GRM8: variants seen among roughly 807,000 people sequenced by gnomAD.
The protein encoded by GRM8 is metabotropic glutamate receptor 8.
A neutral mutation model predicts 87.2 loss-of-function variants in GRM8; 47 were observed. That is an observed-to-expected ratio of 0.54 (90% CI 0.43 to 0.69). The LOEUF is 0.69. Ranked by LOEUF, GRM8 falls within the 30% of genes least tolerant of loss-of-function variation. The pLI is 0.00. For missense variants in GRM8, 1,019 were observed against 1,139.2 expected, an observed-to-expected ratio of 0.89 and a Z score of 1.52; for synonymous variants, 396 against 404.5, an observed-to-expected ratio of 0.98 and a Z score of 0.25.
Position 126,643,401 on chromosome 7 carries a change from TATC to T in GRM8, c.1358-33906_1358-33904del, listed in dbSNP as rs544823248. Among the ~76,000 whole-genome samples, 361 of 142,704 alleles carry T rather than the reference TATC, an allele frequency of 2.5e-3. 4 individuals are homozygous for T. The highest frequency in any genetic ancestry group is 9.2e-3 in the African/African-American group (349 of 37,738). 93.6% of individuals were successfully genotyped at this position (142,704 alleles called of 152,430 possible). A position where few individuals can be genotyped will look rare whatever the true frequency, so the allele number is the denominator to read the frequency against. ...GTAGGTAAAAAAAAAAAATGTGTATTATCATGTTATAAATCCAACATCAAGTGG... is the reference window on the plus strand; with the variant it reads ...GTAGGTAAAAAAAAAAAATGTGTATTATGTTATAAATCCAACATCAAGTGG... On this transcript the variant is annotated intron_variant, in intron 7 of 10. Transcript: ENST00000339582.
intron 7 of GRM8, among the ~76,000 whole-genome samples, chr7:126,761,355 G>C (rs1022417487): frequency 6.6e-6 from 1 of 152,032 alleles, no homozygotes; most frequent in African/African-American, 2.4e-5. Flanking sequence ...ATACTTCTTT[G>C]GTTTCTAGTC....
chr7:126,753,203 TA>T (rs1449932283), intron 7 of GRM8, among the ~76,000 whole-genome samples: 1 of 151,988 alleles, frequency 6.6e-6, no homozygotes, highest in Non-Finnish European at 1.5e-5. Context: ...TAGTGAAGCA[TA>T]TATCTAGTTC....
At position 126,533,141 on chromosome 7, in the gene GRM8, G is replaced by A. The variant is rs558802243; in HGVS notation, c.2241C>T (p.Leu747=). 2 of 1,613,144 alleles carry A rather than the reference G, an allele frequency of 1.2e-6. No individual in the cohort carries two copies. The highest frequency in any genetic ancestry group is 2.7e-5 in the African/African-American group (2 of 74,732). The change falls in exon 9 of 11, where the codon CTC becomes CTT. Residue 747 remains leucine, a synonymous_variant. Coordinates refer to ENST00000339582, the MANE Select transcript of GRM8 (RefSeq NM_000845.3). ...RGVLKCDISD[L]SLICSLGYSI... is the part of the protein sequence containing the mutation. ...TGTATCCAAGTGAACAAATGAGTGA[G>A]AGATCAGAAATGTCACACTTGAGCA...
chr7:126,973,133 A>C (rs554712684), intron 3 of GRM8, among the ~76,000 whole-genome samples: 50 of 152,316 alleles, frequency 3.3e-4, no homozygotes, highest in Non-Finnish European at 6.3e-4. Context: ...GATGCACCAG[A>C]AACACCTGGA....
intron 3 of GRM8, among the ~76,000 whole-genome samples, chr7:126,964,859 C>T (rs751182394): frequency 6.6e-6 from 1 of 152,174 alleles, no homozygotes; most frequent in Non-Finnish European, 1.5e-5. Flanking sequence ...CACATGCACA[C>T]ATGTGTTTAA....
At chr7:126,972,582 T>C (rs1467364268) in intron 3 of GRM8, among the ~76,000 whole-genome samples, 1 of 152,232 alleles carries the variant, frequency 6.6e-6, no homozygotes, top group East Asian at 1.9e-4. Context: ...TGTTTATTTC[T>C]ATCTGCATTA....
chr7:127,012,985 G>A (rs1401587382), intron 3 of GRM8, among the ~76,000 whole-genome samples: 1 of 152,162 alleles, frequency 6.6e-6, no homozygotes, highest in Non-Finnish European at 1.5e-5. Context: ...GAGGGGACGA[G>A]AAACAGCTTG....
intron 2 of GRM8, among the ~76,000 whole-genome samples, chr7:127,164,776 G>A (rs1793335772): frequency 6.6e-6 from 1 of 151,890 alleles, no homozygotes; most frequent in Non-Finnish European, 1.5e-5. Context: ...CTCCTTTAAA[G>A]TCTGTCTTAA....
At chr7:126,807,994 C>T (rs771810979) in intron 6 of GRM8, among the ~76,000 whole-genome samples, 14 of 152,030 alleles carry the variant, frequency 9.2e-5, no homozygotes, top group Admixed American at 2.6e-4. Context: ...CCTCTTTCCA[C>T]AATAAACCTC....
At chr7:126,670,969 T>C (rs897950022) in intron 7 of GRM8, among the ~76,000 whole-genome samples, 1 of 152,240 alleles carries the variant, frequency 6.6e-6, no homozygotes, top group African/African-American at 2.4e-5. Context: ...GCAATATAGT[T>C]GTTTGCATCA....
chr7:126,650,716 C>T (rs777751656), intron 7 of GRM8, among the ~76,000 whole-genome samples: 2 of 151,672 alleles, frequency 1.3e-5, no homozygotes, highest in South Asian at 2.1e-4. Context: ...CCCAAGTGAG[C>T]GCTCACCAAC....
At chr7:126,857,129 T>C (rs1294220088) in intron 6 of GRM8, among the ~76,000 whole-genome samples, 1 of 152,216 alleles carries the variant, frequency 6.6e-6, no homozygotes, top group African/African-American at 2.4e-5. Context: ...AGAGAAACTA[T>C]GCCTATTCTA....
At chr7:127,002,650 G>T (rs975289034) in intron 3 of GRM8, among the ~76,000 whole-genome samples, 22 of 151,568 alleles carry the variant, frequency 1.5e-4, no homozygotes, top group African/African-American at 3.1e-4. Flanking sequence ...TACTGCCATT[G>T]CCTCCTTGAC....
chr7:127,249,216 A>C (rs1161531144), intron 1 of GRM8, among the ~76,000 whole-genome samples: 1 of 151,926 alleles, frequency 6.6e-6, no homozygotes, highest in Non-Finnish European at 1.5e-5. Context: ...ACTTCTGTTC[A>C]CCTCCTGCCC....
intron 7 of GRM8, among the ~76,000 whole-genome samples, chr7:126,662,792 C>T (rs1000378522): frequency 1.3e-5 from 2 of 152,038 alleles, no homozygotes; most frequent in African/African-American, 2.4e-5. Flanking sequence ...AAGGAGCTTC[C>T]GTTCATCACA....
chr7:126,886,014 G>T (rs1195238499), intron 6 of GRM8, among the ~76,000 whole-genome samples: 1 of 152,086 alleles, frequency 6.6e-6, no homozygotes, highest in Non-Finnish European at 1.5e-5. Context: ...TTATGGTGGT[G>T]TAATTTTCAT....
chr7:126,839,890 G>T (rs1455190916), intron 6 of GRM8, among the ~76,000 whole-genome samples: 1 of 152,082 alleles, frequency 6.6e-6, no homozygotes, highest in Non-Finnish European at 1.5e-5. Flanking sequence ...TCCATATCCA[G>T]ACATCCCTTT....
At chr7:126,546,942 A>G (rs759894391) in intron 8 of GRM8, among the ~76,000 whole-genome samples, 5 of 152,188 alleles carry the variant, frequency 3.3e-5, no homozygotes, top group Admixed American at 6.5e-5. Flanking sequence ...CTGGGATACC[A>G]TCGTGAAATT....
chr7:127,131,782 A>G (rs890675092), intron 2 of GRM8, among the ~76,000 whole-genome samples: 2 of 152,002 alleles, frequency 1.3e-5, no homozygotes, highest in Non-Finnish European at 2.9e-5. Flanking sequence ...GACTTGCTGC[A>G]TGTCTATTAT....
Sources: gnomAD v4.1 joint callset for allele counts (sites outside exome capture counted in the v4.1 genomes callset) on GRCh38, gnomAD v4.1.1 for gene constraint, MANE v1.5 for transcripts, NCBI Gene and HGNC (gene_info 2026-07-23, HGNC 2026-07-21) for gene names.